CNTNAP2: variants seen among roughly 807,000 people sequenced by gnomAD.
CNTNAP2 encodes contactin-associated protein-like 2.
In CNTNAP2, 98 loss-of-function variants were observed where a neutral mutation model predicts 155.2. The observed-to-expected ratio is 0.63, with a 90% CI of 0.54 to 0.75. The LOEUF is 0.75. Ranked by LOEUF, CNTNAP2 falls within the 30% of genes least tolerant of loss-of-function variation. CNTNAP2 has a pLI of 0.00. For missense variants in CNTNAP2, 1,727 were observed against 1,688.1 expected (o/e 1.02, Z -0.40); for synonymous variants, 651 against 631.2 (o/e 1.03, Z -0.47).
chr7:146,631,995 A>G (rs931854360), intron 1 of CNTNAP2, among the ~76,000 whole-genome samples: 1 of 152,186 alleles, frequency 6.6e-6, no homozygotes, highest in South Asian at 2.1e-4. Flanking sequence ...TACTCCAACC[A>G]TTCATATGAT....
chr7:148,385,068 T>C (rs1799160360), intron 22 of CNTNAP2, among the ~76,000 whole-genome samples: 1 of 152,254 alleles, frequency 6.6e-6, no homozygotes, highest in Non-Finnish European at 1.5e-5. Context: ...ATTTGATTGC[T>C]TTAATCATGT....
intron 1 of CNTNAP2, among the ~76,000 whole-genome samples, chr7:146,361,617 T>G (rs1005388): frequency 0.22 from 33,910 of 152,020 alleles, 4,603 homozygotes; most frequent in Admixed American, 0.39. Context: ...AGACTGATTC[T>G]GTGTCGAATG....
intron 4 of CNTNAP2, among the ~76,000 whole-genome samples, chr7:147,050,866 T>C (rs1799459178): frequency 1.3e-5 from 2 of 152,174 alleles, no homozygotes; most frequent in African/African-American, 2.4e-5. Context: ...AACAGTTCCA[T>C]GTCCCTCGCC....
intron 3 of CNTNAP2, among the ~76,000 whole-genome samples, chr7:147,011,243 G>A (rs991835399): frequency 4.6e-5 from 7 of 151,432 alleles, no homozygotes; most frequent in Non-Finnish European, 7.4e-5. Flanking sequence ...ATGAAACCCC[G>A]TCTCTACTAA....
chr7:147,060,566 C>CA (rs1015379384), intron 4 of CNTNAP2, among the ~76,000 whole-genome samples: 23 of 151,440 alleles, frequency 1.5e-4, no homozygotes, highest in Non-Finnish European at 2.1e-4. Flanking sequence ...ACTAAAAGTA[C>CA]AAAAAAAATA....
At chr7:147,039,159 G>A (rs1799213912) in intron 3 of CNTNAP2, among the ~76,000 whole-genome samples, 1 of 151,846 alleles carries the variant, frequency 6.6e-6, no homozygotes, top group South Asian at 2.1e-4. Flanking sequence ...ATAACATAGT[G>A]TCAGTATTGT....
Position 147,270,777 on chromosome 7 carries a change from T to G in CNTNAP2, c.1349-29364T>G, listed in dbSNP as rs1015766317. On this transcript the variant is annotated intron_variant, in intron 8 of 23. Coordinates refer to ENST00000361727, the MANE Select transcript of CNTNAP2 (RefSeq NM_014141.6). Reference sequence around the variant, plus strand: ...TTCAGCCCTTAAGCCTCTGGTAAGCTGTCTCTTTGAATCTAGTCAGAGTCC... The same window carrying G: ...TTCAGCCCTTAAGCCTCTGGTAAGCGGTCTCTTTGAATCTAGTCAGAGTCC... 2.8e-4 allele frequency among the ~76,000 whole-genome samples: 43 copies of G among 152,252 alleles called. 1 individual carries two copies. The highest frequency in any genetic ancestry group is 1.5e-5 in the Non-Finnish European group (1 of 68,042).
intron 14 of CNTNAP2, among the ~76,000 whole-genome samples, chr7:147,948,877 C>T (rs976067690): frequency 6.6e-5 from 10 of 151,966 alleles, no homozygotes; most frequent in Non-Finnish European, 7.4e-5. Flanking sequence ...TGTAATCTTA[C>T]AGTAAGCTAC....
intron 1 of CNTNAP2, among the ~76,000 whole-genome samples, chr7:146,387,221 T>A (rs1162105321): frequency 6.6e-6 from 1 of 152,204 alleles, no homozygotes; most frequent in Non-Finnish European, 1.5e-5. Context: ...TTTTGGGCTT[T>A]AACTTTTCTG....
In CNTNAP2 at chr7:147,842,599, T is replaced by C. The variant is rs1455952055; in HGVS notation, c.2099-60966T>C. On this transcript the variant is annotated intron_variant, in intron 13 of 23. Transcript: ENST00000361727. The stretch of plus-strand genomic sequence containing the variant: ...ACTTTTTACTTTTCTTTTTTTTTTT[T>C]TTTTTATTATACTCTAAGTTTTAGG... Among the ~76,000 whole-genome samples the C allele has an allele frequency of 6.7e-5, 8 of 120,156 alleles. No homozygotes were observed. The South Asian group carries it at 2.6e-3, about 40-fold the overall frequency. 78.8% of individuals were successfully genotyped at this position (120,156 alleles called of 152,430 possible).
At chr7:147,192,222 G>A (rs1488142784) in intron 8 of CNTNAP2, among the ~76,000 whole-genome samples, 10 of 152,068 alleles carry the variant, frequency 6.6e-5, no homozygotes, top group Middle Eastern at 3.2e-3. Context: ...TCCAGTGGTC[G>A]GAAACATTTT....
rs145631002 is a variant in CNTNAP2, at chr7:147,768,410, C to T, written c.2098+129104C>T. On this transcript the variant is annotated intron_variant, in intron 13 of 23. Transcript: ENST00000361727. ...TTTTTAATAGTAATCTATTCATGTCCTATATGTAAACTCTTTACTATATTA... is the reference window on the plus strand; with the variant it reads ...TTTTTAATAGTAATCTATTCATGTCTTATATGTAAACTCTTTACTATATTA... Among the ~76,000 whole-genome samples, 198 of 152,054 alleles carry T rather than the reference C, an allele frequency of 1.3e-3. 2 individuals carry two copies. The highest frequency in any genetic ancestry group is 4.5e-3 in the African/African-American group (188 of 41,496).
chr7:147,768,804 A>C (rs1262752835), intron 13 of CNTNAP2, among the ~76,000 whole-genome samples: 1 of 152,102 alleles, frequency 6.6e-6, no homozygotes, highest in East Asian at 1.9e-4. Flanking sequence ...CTTCAGTATG[A>C]GCTACAAAAA....
intron 4 of CNTNAP2, among the ~76,000 whole-genome samples, chr7:147,054,249 A>T (rs1056660301): frequency 2.0e-5 from 3 of 152,318 alleles, no homozygotes; most frequent in African/African-American, 7.2e-5. Context: ...TAAGAAAAGT[A>T]TCTCACTAGT....
At chr7:146,971,010 A>G (rs1417708910) in intron 3 of CNTNAP2, among the ~76,000 whole-genome samples, 1 of 152,152 alleles carries the variant, frequency 6.6e-6, no homozygotes, top group Non-Finnish European at 1.5e-5. Context: ...GAATTGAACA[A>G]TGAGAACACA....
chr7:146,821,392 T>A (rs570958014), intron 2 of CNTNAP2, among the ~76,000 whole-genome samples: 37 of 152,256 alleles, frequency 2.4e-4, no homozygotes, highest in South Asian at 1.7e-3. Context: ...TTTGCTTGTC[T>A]GTAAAGTATT....
intron 21 of CNTNAP2, among the ~76,000 whole-genome samples, chr7:148,381,951 T>G (rs541583266): frequency 9.2e-5 from 14 of 152,302 alleles, no homozygotes; most frequent in African/African-American, 3.4e-4. Flanking sequence ...CACTCCGGTT[T>G]TGGAAGTACT....
At chr7:147,596,768 C>T (rs1800833545) in intron 12 of CNTNAP2, among the ~76,000 whole-genome samples, 1 of 152,112 alleles carries the variant, frequency 6.6e-6, no homozygotes, top group Non-Finnish European at 1.5e-5. Flanking sequence ...CATTCTAAGT[C>T]ACAGGATGGA....
chr7:146,359,429 T>C, intron 1 of CNTNAP2, among the ~76,000 whole-genome samples: 1 of 152,218 alleles, frequency 6.6e-6, no homozygotes, highest in East Asian at 1.9e-4. Flanking sequence ...TATGCTGTCA[T>C]TCTAACTCTT....
Sources: allele counts gnomAD v4.1 joint callset (sites outside exome capture counted in the v4.1 genomes callset), GRCh38; gene constraint gnomAD v4.1.1; transcripts MANE v1.5; gene names NCBI Gene and HGNC (gene_info 2026-07-23, HGNC 2026-07-21).